The following SERAC1 variants were observed in gnomAD, a reference collection of about 807,000 sequenced individuals.
SERAC1 encodes serine active site containing 1.
SERAC1 carries 36 observed loss-of-function variants against 85.7 expected under a neutral mutation model. The ratio of observed to expected loss-of-function variants is 0.42; its 90% CI spans 0.32 to 0.55. The LOEUF (loss-of-function observed/expected upper bound fraction) is 0.55. SERAC1 is among the 20% of genes least tolerant of loss of function. The pLI is 0.11. For missense variants in SERAC1, 629 were observed against 796.2 expected, an observed-to-expected ratio of 0.79 and a Z score of 2.53; for synonymous variants, 242 against 265.3, an observed-to-expected ratio of 0.91 and a Z score of 0.85.
chr6:158,144,575 C>CT (rs1309590481), intron 6 of SERAC1, among the ~76,000 whole-genome samples, 155 bp from the exon 7 acceptor site: 1 of 152,172 alleles, frequency 6.6e-6, no homozygotes, highest in Non-Finnish European at 1.5e-5. Flanking sequence ...TTTACAACAC[C>CT]TATAAGCTAG....
At position 158,116,129 on chromosome 6, in the gene SERAC1, C is replaced by T. The variant is rs190035160; in HGVS notation, c.1501+56G>A. ...AGATAAAATAACTTTAGGTTGGCCACAGTGGCTGAAAATAACATCACAATG... is the reference window on the plus strand; with the variant it reads ...AGATAAAATAACTTTAGGTTGGCCATAGTGGCTGAAAATAACATCACAATG... On this transcript the variant is annotated intron_variant, in intron 14 of 16. Coordinates refer to ENST00000647468, the MANE Select transcript of SERAC1 (RefSeq NM_032861.4). The T allele has an allele frequency of 5.2e-5, 73 of 1,407,362 alleles. No homozygotes were observed. The African/African-American group carries it at 9.7e-4, about 19-fold the overall frequency. 87.2% of individuals were successfully genotyped at this position (1,407,362 alleles called of 1,614,324 possible).
intron 8 of SERAC1, among the ~76,000 whole-genome samples, chr6:158,140,709 G>A (rs1205006605): frequency 1.3e-5 from 2 of 152,148 alleles, no homozygotes; most frequent in African/African-American, 2.4e-5. Context: ...GAAGTGGGGG[G>A]CAGTCCTGTG....
Position 158,153,799 on chromosome 6 carries a change from A to C in SERAC1, c.128+1516T>G, listed in dbSNP as rs532925984. 4.6e-5 allele frequency among the ~76,000 whole-genome samples: 7 copies of C among 152,026 alleles called. No individual in the cohort carries two copies. In the South Asian group the frequency reaches 1.5e-3, roughly 32 times the overall value. ...GCAGGTAAAACAAAGTCCAGATACTAGCTAGCACCAGAGGAACACAAAGAA... is the reference window on the plus strand; with the variant it reads ...GCAGGTAAAACAAAGTCCAGATACTCGCTAGCACCAGAGGAACACAAAGAA... On this transcript the variant is annotated intron_variant, in intron 3 of 16. Transcript: ENST00000647468.
At chr6:158,113,747 T>TAAGA (rs1461002521) in intron 15 of SERAC1, among the ~76,000 whole-genome samples, 155 bp from the exon 16 acceptor site, 1 of 152,146 alleles carries the variant, frequency 6.6e-6, no homozygotes, top group African/African-American at 2.4e-5. Context: ...AAGAAGCCAC[T>TAAGA]AAGATTCAAG....
Position 158,167,253 on chromosome 6 carries a change from A to G in SERAC1, c.-2+887T>C, listed in dbSNP as rs111897136. On this transcript the variant is annotated intron_variant, in intron 1 of 16. Coordinates refer to ENST00000647468, the MANE Select transcript of SERAC1 (RefSeq NM_032861.4). ...AAAAAAAAAAAAAAAAAAAGGCAGC[A>G]TGAGGTCGGGCGCGGTGGCTCACAC... Among the ~76,000 whole-genome samples the G allele has an allele frequency of 4.7e-5, 7 of 148,378 alleles. 1 individual carries two copies. The highest frequency in any genetic ancestry group is 1.2e-4 in the African/African-American group (5 of 40,212).
At chr6:158,145,760 T>G (rs111367215) in intron 6 of SERAC1, among the ~76,000 whole-genome samples, 1 of 152,046 alleles carries the variant, frequency 6.6e-6, no homozygotes, top group African/African-American at 2.4e-5. Context: ...TGGCCTCAAG[T>G]GACCCGCCTT....
rs773759750 is a variant in SERAC1 at position 158,144,401 on chromosome 6, A to G, written c.507T>C (p.Ile169=). 28 of 1,611,790 alleles carry G rather than the reference A, an allele frequency of 1.7e-5. No homozygotes were observed. Among genetic ancestry groups the G allele is most frequent in the Non-Finnish European group, 2.0e-5 (23 of 1,178,860 alleles). ...HHWHDYQYRI[I]AQACDPKTLI... is the part of the protein sequence containing the mutation. ...GAGTTTTCGGATCACAGGCTTGAGC[A>G]ATTATCCTATACTGGTAATCTATTG... is the stretch of plus-strand genomic sequence containing the variant. The change falls in exon 7 of 17, where the codon ATT becomes ATC. Residue 169 remains isoleucine (I), a synonymous_variant. Coordinates refer to ENST00000647468, the MANE Select transcript of SERAC1 (RefSeq NM_032861.4).
chr6:158,117,855 T>C lies in SERAC1; in HGVS notation c.1309-34A>G, dbSNP rs546082629. Reference sequence around the variant, plus strand: ...AATAAAACATATGTGAGAACAAGTATGAATCTTCACCACTGCAATTACTGC... The same window carrying C: ...AATAAAACATATGTGAGAACAAGTACGAATCTTCACCACTGCAATTACTGC... On this transcript the variant is annotated intron_variant, in intron 12 of 16. Transcript: ENST00000647468. This position sits in a 1 kb window ranked among gnomAD's most constrained non-coding sequence, Gnocchi z 4.3. 1.5e-5 allele frequency: 23 copies of C among 1,551,824 alleles called. No individual in the cohort carries two copies. Among genetic ancestry groups the C allele is most frequent in the Middle Eastern group, 1.7e-4 (1 of 5,894 alleles).
In SERAC1 at chr6:158,111,416, G is replaced by A. The variant is rs575982148; in HGVS notation, c.1915C>T (p.Arg639Cys). Residue 639 changes from arginine (R) to cysteine (C), a missense_variant, in exon 17 of 17, where the codon CGT (arginine) becomes TGT (cysteine). By Grantham distance (180) the Arg-to-Cys change is radical (BLOSUM62 -3). Transcript: ENST00000647468. ...GCTTCACGAATGAATTGTAAAGTAC[G>A]CTGGTACAAAAAAGCATCCTTTTTC... ...PKKKDAFLYQ[R>C]TLQFIREALA... The A allele has an allele frequency of 3.1e-6, 5 of 1,610,920 alleles. No individual in the cohort carries two copies. Among genetic ancestry groups the A allele is most frequent in the African/African-American group, 1.3e-5 (1 of 74,894 alleles).
intron 6 of SERAC1, chr6:158,146,142 A>T (rs1475283946): frequency 6.6e-6 from 1 of 152,242 alleles, no homozygotes; most frequent in African/African-American, 2.4e-5. Flanking sequence ...ACTCAAGTAC[A>T]TTAGGTAACT....
intron 8 of SERAC1, among the ~76,000 whole-genome samples, chr6:158,133,141 T>C (rs920171793): frequency 9.2e-5 from 14 of 151,842 alleles, no homozygotes; most frequent in African/African-American, 2.7e-4. Flanking sequence ...ACCCCATCTC[T>C]ACAAAAAATT....
intron 1 of SERAC1, 196 bp from the exon 2 acceptor site, chr6:158,158,560 G>A (rs1416636386): frequency 1.5e-5 from 7 of 466,382 alleles, no homozygotes; most frequent in South Asian, 1.2e-4. Flanking sequence ...ATAATATTTT[G>A]TTAGAATTTT....
intron 1 of SERAC1, among the ~76,000 whole-genome samples, chr6:158,162,354 G>A (rs1428251536): frequency 6.6e-6 from 1 of 152,116 alleles, no homozygotes; most frequent in Non-Finnish European, 1.5e-5. Context: ...TTCAATAAAT[G>A]CTACTTATCA....
intron 3 of SERAC1, among the ~76,000 whole-genome samples, chr6:158,153,111 A>G (rs192393017): frequency 6.6e-6 from 1 of 152,308 alleles, no homozygotes; most frequent in East Asian, 1.9e-4. Context: ...TCTGATTTTT[A>G]TTATAACAAT....
At chr6:158,135,009 C>T (rs1334403985) in intron 8 of SERAC1, among the ~76,000 whole-genome samples, 3 of 152,082 alleles carry the variant, frequency 2.0e-5, no homozygotes, top group African/African-American at 4.8e-5. Context: ...TCACCTCTAT[C>T]GTATTCCTGT....
chr6:158,118,337 T>TG (rs1784339979), intron 12 of SERAC1, among the ~76,000 whole-genome samples: 1 of 152,198 alleles, frequency 6.6e-6, no homozygotes, highest in African/African-American at 2.4e-5. Flanking sequence ...AATGGAACAA[T>TG]GCCCTAAAAA....
intron 9 of SERAC1, among the ~76,000 whole-genome samples, chr6:158,129,378 G>A (rs1349056980): frequency 6.6e-6 from 1 of 152,166 alleles, no homozygotes; most frequent in Admixed American, 6.5e-5. Flanking sequence ...TCTCAAGGAT[G>A]GTGTTTGTCT....
rs1784366800 is a variant in SERAC1, at chr6:158,119,368, A to G, written c.1167-198T>C. The stretch of plus-strand genomic sequence containing the variant: ...GCAAAGACATACATGAAGCATGTTC[A>G]CTGTTCTCTAAAAATGGAGACTATT... On this transcript the variant is annotated intron_variant, in intron 11 of 16. Coordinates refer to ENST00000647468, the MANE Select transcript of SERAC1 (RefSeq NM_032861.4). The surrounding 1 kb of genome is among the most constrained non-coding windows in gnomAD (Gnocchi z 4.5). Among the ~76,000 whole-genome samples the G allele has an allele frequency of 1.3e-5, 2 of 152,220 alleles. No homozygotes were observed. Among genetic ancestry groups the G allele is most frequent in the South Asian group, 2.1e-4 (1 of 4,832 alleles).
At chr6:158,134,824 G>C (rs1257757702) in intron 8 of SERAC1, among the ~76,000 whole-genome samples, 2 of 152,062 alleles carry the variant, frequency 1.3e-5, no homozygotes, top group African/African-American at 4.8e-5. Flanking sequence ...TAATCTCAAA[G>C]TATCTCCTCC....
Sources: gnomAD v4.1 joint callset for allele counts (sites outside exome capture counted in the v4.1 genomes callset) on GRCh38, gnomAD v4.1.1 for gene constraint, Gnocchi (gnomAD v3.1) non-coding constraint, MANE v1.5 for transcripts, NCBI Gene and HGNC (gene_info 2026-07-23, HGNC 2026-07-21) for gene names.